REG1A: variants seen among roughly 807,000 people sequenced by gnomAD.
REG1A encodes regenerating family member 1 alpha, also known as lithostathine-1-alpha.
Under a neutral mutation model 20.7 loss-of-function variants are expected in REG1A, and 20 were observed. The observed-to-expected ratio is 0.97, with a 90% CI of 0.68 to 1.41. The LOEUF (loss-of-function observed/expected upper bound fraction) is 1.41, where lower values mean the gene tolerates loss of function less well. Among genes scored for constraint, REG1A ranks in the 40% most tolerant of loss-of-function variants. The pLI is 0.00. For synonymous variants in REG1A, 90 were observed against 71.6 expected (o/e 1.26, Z -1.30); for missense variants, 193 against 201.8 (o/e 0.96, Z 0.26).
intron 1 of REG1A, 22 bp from the exon 2 acceptor site, chr2:79,120,794 C>A: frequency 7.9e-7 from 1 of 1,264,048 alleles, no homozygotes; most frequent in South Asian, 1.5e-5. Flanking sequence ...CTCAGAACCC[C>A]CTTCTCTGTG....
At chr2:79,121,492 A>G in intron 2 of REG1A, 70 bp from the exon 3 acceptor site, 3 of 1,231,226 alleles carry the variant, frequency 2.4e-6, no homozygotes, top group South Asian at 2.4e-5. Flanking sequence ...GGAACCTCAG[A>G]AGCTCTTACC....
intron 3 of REG1A, 112 bp downstream of exon 3, chr2:79,121,792 A>G (rs767473997): frequency 9.8e-6 from 13 of 1,323,696 alleles, no homozygotes; most frequent in African/African-American, 1.4e-5. Context: ...TTGCTATACT[A>G]TCATCAGCCC....
intron 2 of REG1A, 29 bp from the exon 3 acceptor site, chr2:79,121,533 G>A: frequency 2.5e-6 from 4 of 1,578,764 alleles, no homozygotes; most frequent in South Asian, 1.1e-5. Context: ...TACCCTGAGA[G>A]CCTCCTTTAA....
At position 79,121,662 on chromosome 2, in the gene REG1A, G is replaced by A; in HGVS notation, c.165G>A (p.Glu55=). 1.9e-6 allele frequency: 3 copies of A among 1,614,080 alleles called. No individual in the cohort carries two copies. The highest frequency in any genetic ancestry group is 2.7e-5 in the African/African-American group (2 of 75,034). Residue 55 remains glutamate (E), a synonymous_variant, in exon 3 of 6, where the codon GAG becomes GAA. Coordinates refer to ENST00000233735, the MANE Select transcript of REG1A (RefSeq NM_002909.5). ...SYCYYFNEDR[E]TWVDADLYCQ... Reference sequence around the variant, plus strand: ...GCTACTACTTTAATGAAGACCGTGAGACCTGGGTTGATGCAGATGTGAGTG... The same window carrying A: ...GCTACTACTTTAATGAAGACCGTGAAACCTGGGTTGATGCAGATGTGAGTG...
intron 2 of REG1A, 118 bp from the exon 3 acceptor site, chr2:79,121,444 T>C: frequency 1.3e-6 from 1 of 789,668 alleles, no homozygotes; most frequent in Non-Finnish European, 2.2e-6. Flanking sequence ...TAGTGAGCAG[T>C]CATCCCATAA....
At chr2:79,121,880 T>A in intron 3 of REG1A, 108 bp from the exon 4 acceptor site, 1 of 1,472,166 alleles carries the variant, frequency 6.8e-7, no homozygotes, top group Middle Eastern at 1.7e-4. Context: ...GACAGCATCA[T>A]CACGGACATT....
Position 79,122,138 on chromosome 2 carries a change from C to T in REG1A, c.321+13C>T. ...TGACCCCAAAAAGGTAGGCTGCAGC[C>T]TTCTTTATCTCCTAATGATCAGGTT... On this transcript the variant is annotated intron_variant, in intron 4 of 5. Transcript: ENST00000233735. 1 of 1,613,310 alleles carries T rather than the reference C, an allele frequency of 6.2e-7. No individual in the cohort carries two copies. The highest frequency in any genetic ancestry group is 1.1e-5 in the South Asian group (1 of 90,980).
chr2:79,121,247 G>A (rs538632378), intron 2 of REG1A, among the ~76,000 whole-genome samples: 1 of 152,310 alleles, frequency 6.6e-6, no homozygotes, highest in South Asian at 2.1e-4. Flanking sequence ...GAGAACTGAA[G>A]AGAGCCTTGT....
chr2:79,122,845 G>A lies in REG1A; in HGVS notation c.326G>A (p.Arg109His), dbSNP rs773643336. ...TTCTGGCCCTTCCCCATCTAGAACC[G>A]CCGCTGGCACTGGAGCAGTGGGTCC... ...WIGLHDPKKN[R>H]RWHWSSGSLV... is the part of the protein sequence containing the mutation. The change falls in exon 5 of 6, where the codon CGC (arginine) becomes CAC (histidine). Residue 109 changes from arginine to histidine, a missense_variant. Arg to His is a conservative substitution (Grantham distance 29). Transcript: ENST00000233735. The A allele has an allele frequency of 4.6e-5, 74 of 1,612,598 alleles. No homozygotes were observed. In the Middle Eastern group the frequency reaches 7.7e-4, roughly 17 times the overall value.
intron 5 of REG1A, 50 bp from the exon 6 acceptor site, chr2:79,123,098 G>T (rs1244824684): frequency 6.6e-7 from 1 of 1,515,270 alleles, no homozygotes; most frequent in South Asian, 1.1e-5. Context: ...AGCCAGGAGG[G>T]TCATACTCTT....
Position 79,121,670 on chromosome 2 carries a change from T to A in REG1A, c.173T>A (p.Val58Asp). The A allele has an allele frequency of 1.2e-6, 2 of 1,613,816 alleles. No homozygotes were observed. Among genetic ancestry groups the A allele is most frequent in the Non-Finnish European group, 1.7e-6 (2 of 1,179,872 alleles). Residue 58 changes from valine (V) to aspartate (D), a missense_variant, in exon 3 of 6, where the codon GTT (valine) becomes GAT (aspartate). Transcript: ENST00000233735. ...TTTAATGAAGACCGTGAGACCTGGG[T>A]TGATGCAGATGTGAGTGAGGAGAGC... ...YYFNEDRETW[V>D]DADLYCQNMN...
At chr2:79,121,807 C>T in intron 3 of REG1A, 127 bp downstream of exon 3, 1 of 1,327,540 alleles carries the variant, frequency 7.5e-7, no homozygotes, top group Non-Finnish European at 1.1e-6. Flanking sequence ...CAGCCCCAAA[C>T]TTTCCAATCT....
Position 79,121,560 on chromosome 2 carries a change from AGGC to A in REG1A, c.65-1_66del, listed in dbSNP as rs747950317. The stretch of plus-strand genomic sequence containing the variant: ...CTCCTTTAATTGTCTCTTCTTTTTC[AGGC>A]CAAGAGGCCCAGACAGAGTTGCCCC... On this transcript the variant is annotated splice_acceptor_variant and coding_sequence_variant, in exon 3 of 6. Transcript: ENST00000233735. LOFTEE classifies it high-confidence loss of function. 4 of 1,612,808 alleles carry A rather than the reference AGGC, an allele frequency of 2.5e-6. No homozygotes were observed. In the African/African-American group the frequency reaches 5.3e-5, roughly 22 times the overall value.
At position 79,121,665 on chromosome 2, in the gene REG1A, C is replaced by T. The variant is rs142877017; in HGVS notation, c.168C>T (p.Thr56=). Residue 56 remains threonine (T), a synonymous_variant, in exon 3 of 6, where the codon ACC becomes ACT. Transcript: ENST00000233735. The part of the protein sequence containing the change: ...YCYYFNEDRE[T]WVDADLYCQN... ...ACTACTTTAATGAAGACCGTGAGAC[C>T]TGGGTTGATGCAGATGTGAGTGAGG... 0.014 allele frequency: 22,618 copies of T among 1,613,924 alleles called. 199 individuals are homozygous for T. The highest frequency in any genetic ancestry group is 0.024 in the Admixed American group (1,450 of 60,002).
intron 4 of REG1A, among the ~76,000 whole-genome samples, chr2:79,122,499 A>G (rs963545674): frequency 6.6e-6 from 1 of 152,168 alleles, no homozygotes; most frequent in African/African-American, 2.4e-5. Context: ...GGAACCTGGT[A>G]GTATACTAAA....
At chr2:79,122,247 C>T (rs1476266349) in intron 4 of REG1A, 122 bp downstream of exon 4, 1 of 992,206 alleles carries the variant, frequency 1.0e-6, no homozygotes, top group Non-Finnish European at 1.5e-6. Context: ...TTTACAGATC[C>T]TCTAATGTCC....
At chr2:79,122,431 C>A (rs942006173) in intron 4 of REG1A, among the ~76,000 whole-genome samples, 2 of 152,046 alleles carry the variant, frequency 1.3e-5, no homozygotes, top group African/African-American at 4.8e-5. Flanking sequence ...ACTAGATTGC[C>A]GACTATATAG....
Position 79,122,867 on chromosome 2 carries a change from G to A in REG1A, c.348G>A (p.Gly116=), listed in dbSNP as rs771656147. ...KKNRRWHWSS[G]SLVSYKSWGI... ...ACCGCCGCTGGCACTGGAGCAGTGG[G>A]TCCCTGGTCTCCTACAAGTCCTGGG... The change falls in exon 5 of 6, where the codon GGG becomes GGA. Residue 116 remains glycine (G), a synonymous_variant. Coordinates refer to ENST00000233735, the MANE Select transcript of REG1A (RefSeq NM_002909.5). 38 of 1,613,478 alleles carry A rather than the reference G, an allele frequency of 2.4e-5. No homozygotes were observed. Among genetic ancestry groups the A allele is most frequent in the Non-Finnish European group, 3.1e-5 (36 of 1,180,002 alleles).
Position 79,122,835 on chromosome 2 carries a change from A to G in REG1A, c.322-6A>G. 6.2e-7 allele frequency: 1 copy of G among 1,611,246 alleles called. No homozygotes were observed. The highest frequency in any genetic ancestry group is 8.5e-7 in the Non-Finnish European group (1 of 1,178,632). Reference sequence around the variant, plus strand: ...ACTGCCTCTGTTCTGGCCCTTCCCCATCTAGAACCGCCGCTGGCACTGGAG... The same window carrying G: ...ACTGCCTCTGTTCTGGCCCTTCCCCGTCTAGAACCGCCGCTGGCACTGGAG... On this transcript the variant is annotated splice_polypyrimidine_tract_variant and splice_region_variant and intron_variant, in intron 4 of 5. Coordinates refer to ENST00000233735, the MANE Select transcript of REG1A (RefSeq NM_002909.5).
Sources: allele counts gnomAD v4.1 joint callset (sites outside exome capture counted in the v4.1 genomes callset), GRCh38; gene constraint gnomAD v4.1.1; transcripts MANE v1.5; gene names NCBI Gene and HGNC (gene_info 2026-07-23, HGNC 2026-07-21).